The following CSMD3 variants were observed in gnomAD, a reference collection of about 807,000 sequenced individuals.
CSMD3 encodes CUB and sushi domain-containing protein 3.
A neutral mutation model predicts 435.2 loss-of-function variants in CSMD3; 177 were observed. The ratio of observed to expected loss-of-function variants is 0.41; its 90% CI spans 0.36 to 0.46. The LOEUF (loss-of-function observed/expected upper bound fraction) is 0.46. CSMD3 is among the 20% of genes least tolerant of loss of function. The pLI is 0.34. For synonymous variants in CSMD3, 1,656 were observed against 1,520.5 expected (o/e 1.09, Z -2.07); for missense variants, 4,265 against 4,504.6 (o/e 0.95, Z 1.52).
rs1812294342 is a variant in CSMD3, at chr8:112,223,087, C to A, written c.*1684G>T. The A allele has an allele frequency of 5.0e-6, 2 of 398,430 alleles. No homozygotes were observed. Among genetic ancestry groups the A allele is most frequent in the Non-Finnish European group, 8.9e-6 (2 of 225,754 alleles). The allele number at this position is 398,430 out of a possible 1,614,324, so 24.7% of individuals were successfully genotyped here. On this transcript the variant is annotated 3_prime_UTR_variant, in exon 71 of 71. Coordinates refer to ENST00000297405, the MANE Select transcript of CSMD3 (RefSeq NM_198123.2). ...AGTTGCAGAAGAAACATTGTTTAAACAAGATCTTAAATGTATTAGCCTTAA... is the reference window on the plus strand; with the variant it reads ...AGTTGCAGAAGAAACATTGTTTAAAAAAGATCTTAAATGTATTAGCCTTAA...
At chr8:112,242,185 A>G (rs1808934761) in intron 65 of CSMD3, among the ~76,000 whole-genome samples, 1 of 152,132 alleles carries the variant, frequency 6.6e-6, no homozygotes, top group South Asian at 2.1e-4. Flanking sequence ...TACATTTAAA[A>G]ATCAAAGTTT....
At chr8:112,338,469 C>T (rs1027248194) in intron 42 of CSMD3, among the ~76,000 whole-genome samples, 17 of 152,040 alleles carry the variant, frequency 1.1e-4, no homozygotes, top group African/African-American at 3.4e-4. Context: ...TGAACAGGGC[C>T]TATTCTCATA....
chr8:112,454,580 TA>T (rs1402366457), intron 32 of CSMD3, among the ~76,000 whole-genome samples: 4 of 152,110 alleles, frequency 2.6e-5, no homozygotes, highest in African/African-American at 4.8e-5. Context: ...ATTAAAAAGT[TA>T]AAAAATAACA....
intron 1 of CSMD3, among the ~76,000 whole-genome samples, chr8:113,391,636 T>C (rs548175513): frequency 3.0e-4 from 45 of 152,096 alleles, no homozygotes; most frequent in African/African-American, 1.0e-3. Flanking sequence ...CCTGGAATTA[T>C]AAAATAAGGA....
At chr8:112,372,427 G>C (rs946544002) in intron 38 of CSMD3, among the ~76,000 whole-genome samples, 1 of 152,148 alleles carries the variant, frequency 6.6e-6, no homozygotes, top group Non-Finnish European at 1.5e-5. Flanking sequence ...AGAAAGGGTT[G>C]AGTGGAAGGA....
intron 45 of CSMD3, among the ~76,000 whole-genome samples, chr8:112,330,150 T>C (rs182854243): frequency 3.3e-5 from 5 of 152,230 alleles, no homozygotes; most frequent in Admixed American, 3.3e-4. Context: ...TCTGCAGCAA[T>C]CTCTTTTAGG....
chr8:113,388,992 T>C (rs1258541762), intron 1 of CSMD3, among the ~76,000 whole-genome samples: 1 of 150,872 alleles, frequency 6.6e-6, no homozygotes, highest in Non-Finnish European at 1.5e-5. Flanking sequence ...TTCTCTTCTC[T>C]TTTTCTACCT....
At chr8:112,438,550 C>T (rs768095) in intron 32 of CSMD3, among the ~76,000 whole-genome samples, 64,909 of 151,726 alleles carry the variant, frequency 0.43, 14,855 homozygotes, top group Middle Eastern at 0.6. Context: ...AAATATGAAG[C>T]AACTGGGTAT....
chr8:113,027,908 TATA>T (rs1293909179), intron 5 of CSMD3, among the ~76,000 whole-genome samples: 3 of 152,110 alleles, frequency 2.0e-5, no homozygotes, highest in Non-Finnish European at 4.4e-5. Flanking sequence ...ATATATTAGA[TATA>T]ATATGTATAG....
intron 4 of CSMD3, among the ~76,000 whole-genome samples, chr8:113,167,425 T>C (rs1266498192): frequency 1.3e-5 from 2 of 152,170 alleles, no homozygotes; most frequent in Non-Finnish European, 2.9e-5. Flanking sequence ...ACTCAGGTAA[T>C]ACATGGCAGA....
intron 6 of CSMD3, among the ~76,000 whole-genome samples, chr8:113,002,579 T>C (rs1440251322): frequency 6.6e-6 from 1 of 152,086 alleles, no homozygotes; most frequent in Non-Finnish European, 1.5e-5. Flanking sequence ...TGAACATGCC[T>C]TCACTGTCTT....
At chr8:112,369,465 G>C (rs1348247897) in intron 38 of CSMD3, among the ~76,000 whole-genome samples, 1 of 151,978 alleles carries the variant, frequency 6.6e-6, no homozygotes, top group Non-Finnish European at 1.5e-5. Context: ...CAGGTATTTG[G>C]TGACCATCAA....
At chr8:113,323,185 A>C (rs1403102371) in intron 1 of CSMD3, among the ~76,000 whole-genome samples, 1 of 152,126 alleles carries the variant, frequency 6.6e-6, no homozygotes, top group Non-Finnish European at 1.5e-5. Flanking sequence ...GTCTGTTTTC[A>C]ATGTTTTTCC....
At chr8:112,840,747 C>T (rs952426674) in intron 11 of CSMD3, among the ~76,000 whole-genome samples, 1 of 151,546 alleles carries the variant, frequency 6.6e-6, no homozygotes, top group South Asian at 2.1e-4. Context: ...GGTAGCTATA[C>T]TACTGTTTCC....
intron 17 of CSMD3, 118 bp from the exon 18 acceptor site, chr8:112,656,459 T>C (rs183481408): frequency 2.0e-4 from 137 of 682,190 alleles, no homozygotes; most frequent in Non-Finnish European, 6.1e-5. Context: ...ATTATAATTT[T>C]CTTTAGCTTA....
At chr8:112,763,879 T>G (rs988650843) in intron 13 of CSMD3, among the ~76,000 whole-genome samples, 3 of 151,284 alleles carry the variant, frequency 2.0e-5, no homozygotes, top group African/African-American at 7.3e-5. Context: ...TAGCAACACA[T>G]GAAATTCTTT....
intron 31 of CSMD3, among the ~76,000 whole-genome samples, chr8:112,478,372 T>C (rs537762311): frequency 1.3e-5 from 2 of 152,242 alleles, no homozygotes; most frequent in African/African-American, 4.8e-5. Flanking sequence ...AGAAACTACA[T>C]AAATGGTTGT....
intron 3 of CSMD3, among the ~76,000 whole-genome samples, chr8:113,217,031 C>A (rs548692497): frequency 6.6e-6 from 1 of 151,544 alleles, no homozygotes; most frequent in South Asian, 2.1e-4. Flanking sequence ...CAAATCCAGT[C>A]GTAATAAATA....
intron 27 of CSMD3, among the ~76,000 whole-genome samples, chr8:112,523,882 G>A (rs563119182): frequency 1.2e-4 from 19 of 152,214 alleles, no homozygotes; most frequent in Admixed American, 2.6e-4. Flanking sequence ...TCAGGTTAAA[G>A]TTGATGGCAG....
Sources: allele counts gnomAD v4.1 joint callset (sites outside exome capture counted in the v4.1 genomes callset), GRCh38; gene constraint gnomAD v4.1.1; transcripts MANE v1.5; gene names NCBI Gene and HGNC (gene_info 2026-07-23, HGNC 2026-07-21).